The following NUDCD1 variants were observed in gnomAD, a reference collection of about 807,000 sequenced individuals.
NUDCD1 encodes nudC domain-containing protein 1.
A neutral mutation model predicts 67.8 loss-of-function variants in NUDCD1; 60 were observed. That is an observed-to-expected ratio of 0.88 (90% CI 0.72 to 1.10). The LOEUF is 1.10. NUDCD1 is among the 50% of genes least tolerant of loss of function. The pLI is 0.00. For missense variants in NUDCD1, 643 were observed against 695.0 expected (o/e 0.93, Z 0.84); for synonymous variants, 244 against 230.8 (o/e 1.06, Z -0.52).
chr8:109,262,443 A>G (rs78226673), intron 8 of NUDCD1, among the ~76,000 whole-genome samples: 3,153 of 152,344 alleles, frequency 0.021, 109 homozygotes, highest in African/African-American at 0.072. Flanking sequence ...CAAAATAAAC[A>G]GCAGCCAGAA....
At chr8:109,260,234 T>C (rs74671974) in intron 8 of NUDCD1, among the ~76,000 whole-genome samples, 3,157 of 152,326 alleles carry the variant, frequency 0.021, 110 homozygotes, top group African/African-American at 0.072. Context: ...CTGTTGTAGG[T>C]TGCCTAGGCT....
At chr8:109,291,942 T>C (rs1814721679) in intron 4 of NUDCD1, among the ~76,000 whole-genome samples, 1 of 152,098 alleles carries the variant, frequency 6.6e-6, no homozygotes, top group Non-Finnish European at 1.5e-5. Context: ...TTACGTACCT[T>C]AAAAAAATTA....
At chr8:109,287,412 T>A (rs1052875291) in intron 5 of NUDCD1, among the ~76,000 whole-genome samples, 2 of 152,046 alleles carry the variant, frequency 1.3e-5, no homozygotes, top group African/African-American at 4.8e-5. Flanking sequence ...GTGGACTGAA[T>A]AAAAACAATG....
chr8:109,286,589 G>C (rs1305205645), intron 5 of NUDCD1, among the ~76,000 whole-genome samples: 1 of 152,100 alleles, frequency 6.6e-6, no homozygotes, highest in Non-Finnish European at 1.5e-5. Flanking sequence ...GCAGAAAAAT[G>C]AAACTGGTCC....
At chr8:109,247,464 A>C (rs1813525534) in intron 8 of NUDCD1, among the ~76,000 whole-genome samples, 1 of 152,204 alleles carries the variant, frequency 6.6e-6, no homozygotes, top group Non-Finnish European at 1.5e-5. Context: ...CCACCAAGGG[A>C]GATCAATCAT....
At chr8:109,270,103 A>C (rs1814110785) in intron 8 of NUDCD1, among the ~76,000 whole-genome samples, 1 of 133,702 alleles carries the variant, frequency 7.5e-6, no homozygotes, top group Non-Finnish European at 1.6e-5. Flanking sequence ...TGGGGTGTGA[A>C]ATATATGCAT....
At chr8:109,306,026 G>A (rs765024171) in intron 2 of NUDCD1, among the ~76,000 whole-genome samples, 14 of 152,094 alleles carry the variant, frequency 9.2e-5, no homozygotes, top group Admixed American at 4.6e-4. Context: ...AGGGCTTTAT[G>A]CAGTCACTCT....
At chr8:109,318,687 T>C (rs1280972811) in intron 2 of NUDCD1, among the ~76,000 whole-genome samples, 2 of 152,068 alleles carry the variant, frequency 1.3e-5, no homozygotes, top group Admixed American at 6.5e-5. Context: ...TGAAGGAAAA[T>C]ATTTATTACC....
chr8:109,281,080 A>G lies in NUDCD1; in HGVS notation c.916T>C (p.Phe306Leu). 6.2e-7 allele frequency: 1 copy of G among 1,613,056 alleles called. No homozygotes were observed. Among genetic ancestry groups the G allele is most frequent in the Non-Finnish European group, 8.5e-7 (1 of 1,179,190 alleles). Reference protein sequence around the residue: ...DSTKEDIQIQFLPDHINIVLK... With the variant: ...DSTKEDIQIQLLPDHINIVLK... ...ACAATGTTGATGTGATCAGGCAAAAACTGTATTTGAATGTCCTCCTTAGTA... is the reference window on the plus strand; with the variant it reads ...ACAATGTTGATGTGATCAGGCAAAAGCTGTATTTGAATGTCCTCCTTAGTA... Residue 306 changes from phenylalanine (F) to leucine (L), a missense_variant, in exon 6 of 10, where the codon TTT becomes CTT. By Grantham distance (22) the Phe-to-Leu change is conservative. Coordinates refer to ENST00000239690, the MANE Select transcript of NUDCD1 (RefSeq NM_032869.4).
In NUDCD1 at chr8:109,289,773, T is replaced by G; in HGVS notation, c.801A>C (p.Glu267Asp). 1.3e-6 allele frequency: 2 copies of G among 1,525,778 alleles called. No homozygotes were observed. Among genetic ancestry groups the G allele is most frequent in the Non-Finnish European group, 9.0e-7 (1 of 1,110,150 alleles). 94.5% of individuals were successfully genotyped at this position (1,525,778 alleles called of 1,614,324 possible). The stretch of plus-strand genomic sequence containing the variant: ...TACCTTTGATTTTCTCTGATATGTC[T>G]TCATCCATATTTTCTTCAAGATCTT... ...AGQDLEENMD[E>D]DISEKIKEPL... The change falls in exon 5 of 10, where the codon GAA (glutamate) becomes GAC (aspartate). Residue 267 changes from glutamate (E) to aspartate (D), a missense_variant. Coordinates refer to ENST00000239690, the MANE Select transcript of NUDCD1 (RefSeq NM_032869.4).
intron 1 of NUDCD1, among the ~76,000 whole-genome samples, chr8:109,332,312 C>T (rs956188824): frequency 3.3e-5 from 5 of 152,018 alleles, no homozygotes; most frequent in Admixed American, 1.3e-4. Flanking sequence ...GGGTGGAGGC[C>T]TAGAGATATC....
chr8:109,323,736 G>A (rs574627005), intron 1 of NUDCD1, among the ~76,000 whole-genome samples: 1 of 152,142 alleles, frequency 6.6e-6, no homozygotes, highest in East Asian at 1.9e-4. Flanking sequence ...AATTGAAGAG[G>A]ACACAAATAG....
intron 2 of NUDCD1, 124 bp from the exon 3 acceptor site, chr8:109,296,693 T>C (rs1814851431): frequency 3.1e-6 from 2 of 645,824 alleles, no homozygotes; most frequent in South Asian, 4.4e-5. Flanking sequence ...CCTCTTCCTT[T>C]GATGTGAGCT....
At chr8:109,248,020 A>G (rs1586246820) in intron 8 of NUDCD1, among the ~76,000 whole-genome samples, 1 of 152,188 alleles carries the variant, frequency 6.6e-6, no homozygotes, top group East Asian at 1.9e-4. Flanking sequence ...ATATGTGGGT[A>G]GACTCAATGT....
intron 2 of NUDCD1, among the ~76,000 whole-genome samples, chr8:109,301,183 T>C (rs1814979827): frequency 6.6e-6 from 1 of 152,272 alleles, no homozygotes; most frequent in South Asian, 2.1e-4. Context: ...GTGAGAATAG[T>C]CTTAACTGAT....
At chr8:109,327,312 C>T (rs919233657) in intron 1 of NUDCD1, among the ~76,000 whole-genome samples, 1 of 152,218 alleles carries the variant, frequency 6.6e-6, no homozygotes, top group Non-Finnish European at 1.5e-5. Context: ...TTTTCCCCAT[C>T]TTTTCCTCCA....
intron 2 of NUDCD1, among the ~76,000 whole-genome samples, chr8:109,310,528 T>C (rs1815217342): frequency 6.6e-6 from 1 of 152,198 alleles, no homozygotes. Flanking sequence ...GAAGATAACA[T>C]TGGAAAAACC....
At chr8:109,249,876 C>A (rs1448111184) in intron 8 of NUDCD1, among the ~76,000 whole-genome samples, 1 of 143,344 alleles carries the variant, frequency 7.0e-6, no homozygotes, top group Non-Finnish European at 1.5e-5. Flanking sequence ...GATGGGGTCT[C>A]ACTCTGTCAC....
chr8:109,259,383 C>A (rs1813814708), intron 8 of NUDCD1, among the ~76,000 whole-genome samples: 1 of 152,112 alleles, frequency 6.6e-6, no homozygotes, highest in Admixed American at 6.6e-5. Context: ...TGTCTTTTTA[C>A]CAGCATCTAT....
Sources: gnomAD v4.1 joint callset for allele counts (sites outside exome capture counted in the v4.1 genomes callset) on GRCh38, gnomAD v4.1.1 for gene constraint, MANE v1.5 for transcripts, NCBI Gene and HGNC (gene_info 2026-07-23, HGNC 2026-07-21) for gene names.